CDH7: variants seen among roughly 807,000 people sequenced by gnomAD.
CDH7 encodes the protein cadherin-7.
CDH7 carries 25 observed loss-of-function variants against 71.8 expected under a neutral mutation model. That is an observed-to-expected ratio of 0.35 (90% confidence interval 0.25 to 0.49). The LOEUF is 0.49. Ranked by LOEUF, CDH7 falls within the 20% of genes least tolerant of loss-of-function variation. The pLI is 0.99. For synonymous variants in CDH7, 381 were observed against 363.8 expected (o/e 1.05, Z -0.54); for missense variants, 862 against 974.6 (o/e 0.88, Z 1.54).
chr18:65,769,032 A>T (rs1598990534), intron 2 of CDH7, among the ~76,000 whole-genome samples: 1 of 152,006 alleles, frequency 6.6e-6, no homozygotes, highest in Admixed American at 6.6e-5. Flanking sequence ...CATAAAATTC[A>T]CAGTCTGGTT....
At chr18:65,857,058 C>A (rs78900573) in intron 7 of CDH7, among the ~76,000 whole-genome samples, 1 of 150,154 alleles carries the variant, frequency 6.7e-6, no homozygotes, top group African/African-American at 2.4e-5. Flanking sequence ...AGGTTGGTGC[C>A]GTCAGAACAA....
chr18:65,857,871 A>G lies in CDH7; in HGVS notation c.1291A>G (p.Ser431Gly). The G allele has an allele frequency of 6.2e-7, 1 of 1,613,452 alleles. No homozygotes were observed. Among genetic ancestry groups the G allele is most frequent in the Non-Finnish European group, 8.5e-7 (1 of 1,179,426 alleles). ...GAGATACTTCAATATTGATGCCAACAGTGGGGTCATCACAACTGCCAAGTC... is the reference window on the plus strand; with the variant it reads ...GAGATACTTCAATATTGATGCCAACGGTGGGGTCATCACAACTGCCAAGTC... ...LERYFNIDAN[S>G]GVITTAKSLD... Residue 431 changes from serine to glycine, a missense_variant, in exon 8 of 12, where the codon AGT (serine) becomes GGT (glycine). By Grantham distance (56) the Ser-to-Gly change is moderately conservative. Transcript: ENST00000397968.
chr18:65,800,119 G>A (rs146217256), intron 2 of CDH7, among the ~76,000 whole-genome samples: 209 of 151,988 alleles, frequency 1.4e-3, no homozygotes, highest in African/African-American at 4.3e-3. Context: ...TTATTCTGTC[G>A]CCCAGGCTGG....
chr18:65,796,659 C>T (rs1230787669), intron 2 of CDH7, among the ~76,000 whole-genome samples: 2 of 152,208 alleles, frequency 1.3e-5, no homozygotes, highest in East Asian at 1.9e-4. Context: ...GTACCGATGG[C>T]CCCAGGTTGT....
At chr18:65,768,026 C>G (rs1916428874) in intron 2 of CDH7, among the ~76,000 whole-genome samples, 1 of 152,136 alleles carries the variant, frequency 6.6e-6, no homozygotes, top group South Asian at 2.1e-4. Context: ...GGAAGACTCT[C>G]AGTTATATGC....
intron 1 of CDH7, 23 bp from the exon 2 acceptor site, chr18:65,762,624 A>C (rs539099631): frequency 9.6e-6 from 4 of 417,064 alleles, no homozygotes; most frequent in Non-Finnish European, 1.7e-5. Context: ...TCCTGACACC[A>C]GCTCTTCTCT....
At chr18:65,766,500 T>C (rs1916371735) in intron 2 of CDH7, among the ~76,000 whole-genome samples, 1 of 152,120 alleles carries the variant, frequency 6.6e-6, no homozygotes, top group African/African-American at 2.4e-5. Context: ...CTCAGACTTC[T>C]GGGCTATGCT....
chr18:65,824,865 T>A (rs750119605), intron 6 of CDH7, 34 bp downstream of exon 6: 1 of 1,452,524 alleles, frequency 6.9e-7, no homozygotes, highest in African/African-American at 1.4e-5. Flanking sequence ...TTATCACAGA[T>A]TACTGAGAAG....
intron 2 of CDH7, among the ~76,000 whole-genome samples, chr18:65,776,436 G>T (rs1909947437): frequency 6.6e-6 from 1 of 151,500 alleles, no homozygotes; most frequent in African/African-American, 2.4e-5. Flanking sequence ...GAAAGAGAGA[G>T]GGAGAGAGGA....
intron 2 of CDH7, among the ~76,000 whole-genome samples, chr18:65,767,104 T>C (rs1916401831): frequency 6.6e-6 from 1 of 151,006 alleles, no homozygotes; most frequent in Non-Finnish European, 1.5e-5. Flanking sequence ...TTTTTTTTTT[T>C]TTTGGCTACT....
chr18:65,880,127 A>G (rs911812912), intron 11 of CDH7, among the ~76,000 whole-genome samples: 3 of 152,170 alleles, frequency 2.0e-5, no homozygotes, highest in East Asian at 3.9e-4. Context: ...AATTTCTTCT[A>G]TCAAATACAT....
intron 11 of CDH7, among the ~76,000 whole-genome samples, chr18:65,864,889 TAAAAA>T (rs1191269381): frequency 0.019 from 1,653 of 85,896 alleles, 35 homozygotes; most frequent in African/African-American, 0.065. Context: ...AGACTCCATC[TAAAAA>T]AAAAAAAAAA....
chr18:65,878,503 A>G (rs2144068868), intron 11 of CDH7, among the ~76,000 whole-genome samples: 1 of 152,294 alleles, frequency 6.6e-6, no homozygotes, highest in South Asian at 2.1e-4. Context: ...TACCTTGAGA[A>G]CTACAAGGCA....
chr18:65,888,314 T>C lies in CDH7; in HGVS notation c.*7420T>C, dbSNP rs1914426620. The C allele has an allele frequency of 1.3e-5, 2 of 152,214 alleles. No homozygotes were observed. The highest frequency in any genetic ancestry group is 4.8e-5 in the African/African-American group (2 of 41,460). 9.4% of individuals were successfully genotyped at this position (152,214 alleles called of 1,614,324 possible). On this transcript the variant is annotated 3_prime_UTR_variant, in exon 12 of 12. Transcript: ENST00000397968. The stretch of plus-strand genomic sequence containing the variant: ...GACCTCAGTATATTGCTGTGTTTTA[T>C]TGTGTGTTTTGCTGTATTTTTAAAA...
intron 1 of CDH7, among the ~76,000 whole-genome samples, chr18:65,757,191 T>C (rs1395854577): frequency 6.6e-6 from 1 of 152,174 alleles, no homozygotes; most frequent in Non-Finnish European, 1.5e-5. Flanking sequence ...GAAAACGTTA[T>C]AGTAATGAAT....
At chr18:65,866,315 C>CAAAAAAAAAAAAAAAAAAAA (rs1568228989) in intron 11 of CDH7, 1 of 1,356 alleles carries the variant, frequency 7.4e-4, no homozygotes, top group Admixed American at 0.021. Flanking sequence ...AAAAAAAAAA[C>CAAAAAAAAAAAAAAAAAAAA]AAAAAAAAAA....
At chr18:65,794,539 A>G (rs1910836892) in intron 2 of CDH7, among the ~76,000 whole-genome samples, 1 of 151,924 alleles carries the variant, frequency 6.6e-6, no homozygotes, top group Admixed American at 6.6e-5. Context: ...GAGATGGAAC[A>G]TTGTGAATTG....
intron 2 of CDH7, among the ~76,000 whole-genome samples, chr18:65,804,038 A>C (rs1273543820): frequency 9.2e-5 from 14 of 152,140 alleles, no homozygotes; most frequent in African/African-American, 3.1e-4. Flanking sequence ...ATTGTCAATA[A>C]GTCAGTGAGC....
At chr18:65,797,298 C>A (rs1041231967) in intron 2 of CDH7, among the ~76,000 whole-genome samples, 2 of 152,146 alleles carry the variant, frequency 1.3e-5, no homozygotes, top group Non-Finnish European at 2.9e-5. Flanking sequence ...TTGCCTGTTT[C>A]TTCCACCTCA....
Sources: gnomAD v4.1 joint callset for allele counts (sites outside exome capture counted in the v4.1 genomes callset) on GRCh38, gnomAD v4.1.1 for gene constraint, MANE v1.5 for transcripts, NCBI Gene and HGNC (gene_info 2026-07-23, HGNC 2026-07-21) for gene names.